Variants in ADGRV1 observed in about 807,000 individuals in gnomAD.
ADGRV1 encodes the protein adhesion G protein-coupled receptor V1.
A neutral mutation model predicts 596.2 loss-of-function variants in ADGRV1; 359 were observed. The observed-to-expected ratio is 0.60, with a 90% CI of 0.55 to 0.66. The LOEUF (loss-of-function observed/expected upper bound fraction) is 0.66, where lower values mean the gene tolerates loss of function less well. Among genes scored for constraint, ADGRV1 ranks in the 30% least tolerant of loss-of-function variants. The pLI, the probability that ADGRV1 is intolerant of heterozygous loss-of-function variation, is 0.00. For missense variants in ADGRV1, 7,274 were observed against 7,575.6 expected (o/e 0.96, Z 1.48); for synonymous variants, 2,681 against 2,679.2 (o/e 1.00, Z -0.02).
intron 70 of ADGRV1, among the ~76,000 whole-genome samples, chr5:90,794,305 T>A (rs1006659966): frequency 2.6e-5 from 4 of 152,358 alleles, no homozygotes; most frequent in South Asian, 2.1e-4. Context: ...GAGTGTCAAC[T>A]GTTAGCACCT....
rs748519052 is a variant in ADGRV1, at chr5:91,131,423, T to G, written c.18433-18607T>G. Among the ~76,000 whole-genome samples the G allele has an allele frequency of 3.0e-3, 379 of 126,174 alleles. 2 individuals carry two copies. The highest frequency in any genetic ancestry group is 0.011 in the African/African-American group (337 of 32,056). 82.8% of individuals were successfully genotyped at this position (126,174 alleles called of 152,430 possible). ...TCTTCTTTTGAAGTGTCTGTTTGGGTTTTTTTTTTTTTTTTGGTTTTTCTT... is the reference window on the plus strand; with the variant it reads ...TCTTCTTTTGAAGTGTCTGTTTGGGGTTTTTTTTTTTTTTTGGTTTTTCTT... On this transcript the variant is annotated intron_variant, in intron 87 of 89. Coordinates refer to ENST00000405460, the MANE Select transcript of ADGRV1 (RefSeq NM_032119.4).
At chr5:91,122,526 C>G (rs1022196905) in intron 87 of ADGRV1, among the ~76,000 whole-genome samples, 3 of 152,168 alleles carry the variant, frequency 2.0e-5, no homozygotes, top group Non-Finnish European at 4.4e-5. Context: ...AGTCATAGCA[C>G]ATTACTACTT....
chr5:91,085,348 G>A (rs533774743), intron 86 of ADGRV1, among the ~76,000 whole-genome samples: 1 of 152,080 alleles, frequency 6.6e-6, no homozygotes, highest in Non-Finnish European at 1.5e-5. Context: ...ACTCTGTAAC[G>A]GATACTTATT....
At chr5:90,928,359 C>T (rs1269850583) in intron 83 of ADGRV1, among the ~76,000 whole-genome samples, 1 of 151,734 alleles carries the variant, frequency 6.6e-6, no homozygotes, top group African/African-American at 2.4e-5. Context: ...CTAAACTTTC[C>T]TTCTCACTTC....
chr5:90,671,679 A>G (rs1416020640), intron 21 of ADGRV1, among the ~76,000 whole-genome samples: 4 of 152,200 alleles, frequency 2.6e-5, no homozygotes, highest in African/African-American at 9.6e-5. Context: ...TACAGATGGC[A>G]TTTTATATAT....
intron 85 of ADGRV1, among the ~76,000 whole-genome samples, chr5:91,010,049 C>A (rs1218992694): frequency 6.6e-6 from 1 of 151,982 alleles, no homozygotes; most frequent in Non-Finnish European, 1.5e-5. Flanking sequence ...CTCTTATCAT[C>A]TTAGCATTTC....
chr5:90,846,617 C>T (rs184387992), intron 78 of ADGRV1: 181 of 154,812 alleles, frequency 1.2e-3, no homozygotes, highest in African/African-American at 3.3e-3. Context: ...TGTGGTCTTG[C>T]GGGCTCAGGA....
At chr5:90,609,901 A>G (rs1389011214) in intron 1 of ADGRV1, among the ~76,000 whole-genome samples, 3 of 152,024 alleles carry the variant, frequency 2.0e-5, no homozygotes, top group Non-Finnish European at 2.9e-5. Flanking sequence ...ATGTAAAGAG[A>G]TAGAGTCAAC....
intron 53 of ADGRV1, among the ~76,000 whole-genome samples, chr5:90,753,186 G>T (rs1046239268): frequency 6.6e-6 from 1 of 151,970 alleles, no homozygotes; most frequent in African/African-American, 2.4e-5. Flanking sequence ...GAAATAATCC[G>T]GGCAAAAGTT....
intron 21 of ADGRV1, among the ~76,000 whole-genome samples, chr5:90,663,866 G>A (rs1251720577): frequency 2.0e-5 from 3 of 151,848 alleles, no homozygotes; most frequent in Non-Finnish European, 4.4e-5. Context: ...TTATTAAATA[G>A]GGAATCCTTT....
At chr5:90,772,251 C>T (rs1414431877) in intron 59 of ADGRV1, among the ~76,000 whole-genome samples, 2 of 152,282 alleles carry the variant, frequency 1.3e-5, no homozygotes, top group East Asian at 1.9e-4. Context: ...CATGGTCATT[C>T]AGGGACATAC....
chr5:90,744,257 C>G (rs908234954), intron 50 of ADGRV1, among the ~76,000 whole-genome samples: 7 of 152,204 alleles, frequency 4.6e-5, no homozygotes, highest in African/African-American at 1.4e-4. Flanking sequence ...GCTAGGATTA[C>G]AGATGTGAGC....
chr5:90,750,408 G>A, intron 52 of ADGRV1, 143 bp from the exon 53 acceptor site: 1 of 591,302 alleles, frequency 1.7e-6, no homozygotes, highest in South Asian at 3.2e-5. Context: ...CTATATGACT[G>A]TTTTTTAATT....
In ADGRV1 at chr5:91,102,802, C is replaced by A. The variant is rs116228297; in HGVS notation, c.18432+462C>A. 4.6e-3 allele frequency among the ~76,000 whole-genome samples: 705 copies of A among 152,302 alleles called. 5 individuals are homozygous for A. Among genetic ancestry groups the A allele is most frequent in the African/African-American group, 0.016 (678 of 41,556 alleles). On this transcript the variant is annotated intron_variant, in intron 87 of 89. Coordinates refer to ENST00000405460, the MANE Select transcript of ADGRV1 (RefSeq NM_032119.4). ...GTTTGGTTCACTAAAACATGACTGA[C>A]ATCCCCTAAGTCCAGCAGTGCCCAG...
chr5:90,960,078 G>T (rs1312613310), intron 83 of ADGRV1, among the ~76,000 whole-genome samples: 2 of 150,766 alleles, frequency 1.3e-5, no homozygotes, highest in East Asian at 1.9e-4. Flanking sequence ...GGTGGAGCTT[G>T]CAGTGAGCCG....
intron 59 of ADGRV1, among the ~76,000 whole-genome samples, chr5:90,765,571 A>T (rs971541604): frequency 6.6e-6 from 1 of 152,316 alleles, no homozygotes; most frequent in Admixed American, 6.5e-5. Context: ...ATGCATTCAT[A>T]TAATCAAATC....
At chr5:91,109,009 G>A (rs768747056) in intron 87 of ADGRV1, among the ~76,000 whole-genome samples, 11 of 152,122 alleles carry the variant, frequency 7.2e-5, no homozygotes, top group Non-Finnish European at 1.6e-4. Flanking sequence ...TTTCAAAGGT[G>A]AACTACCAAA....
At chr5:90,623,875 A>G (rs866893669) in intron 5 of ADGRV1, among the ~76,000 whole-genome samples, 1 of 152,208 alleles carries the variant, frequency 6.6e-6, no homozygotes, top group African/African-American at 2.4e-5. Flanking sequence ...TTGATTGCTT[A>G]CTGACCATGT....
chr5:90,958,337 A>G (rs1777687605), intron 83 of ADGRV1, among the ~76,000 whole-genome samples: 1 of 151,710 alleles, frequency 6.6e-6, no homozygotes, highest in Non-Finnish European at 1.5e-5. Flanking sequence ...AGAAAAAGAA[A>G]TATTTTGGAT....
Sources: allele counts gnomAD v4.1 joint callset (sites outside exome capture counted in the v4.1 genomes callset), GRCh38; gene constraint gnomAD v4.1.1; transcripts MANE v1.5; gene names NCBI Gene and HGNC (gene_info 2026-07-23, HGNC 2026-07-21).